The following GRM7 variants were observed in gnomAD, a reference collection of about 807,000 sequenced individuals.
The protein encoded by GRM7 is glutamate metabotropic receptor 7.
A neutral mutation model predicts 84.5 loss-of-function variants in GRM7; 35 were observed. That is an observed-to-expected ratio of 0.41 (90% CI 0.32 to 0.55). The LOEUF is 0.55. Among genes scored for constraint, GRM7 ranks in the 20% least tolerant of loss-of-function variants. The pLI is 0.19. For synonymous variants in GRM7, 487 were observed against 455.1 expected (o/e 1.07, Z -0.89); for missense variants, 1,003 against 1,194.6 (o/e 0.84, Z 2.36).
chr3:7,313,507 T>C (rs949128609), intron 4 of GRM7, among the ~76,000 whole-genome samples: 1 of 152,188 alleles, frequency 6.6e-6, no homozygotes, highest in Non-Finnish European at 1.5e-5. Flanking sequence ...CTTAATAAAA[T>C]ACCTTTCTTA....
intron 7 of GRM7, among the ~76,000 whole-genome samples, chr3:7,542,373 G>C (rs1692922869): frequency 6.6e-6 from 1 of 152,086 alleles, no homozygotes; most frequent in African/African-American, 2.4e-5. Context: ...GCTGCTCTCA[G>C]CCTGGAATAA....
At chr3:7,017,120 T>C (rs1695594055) in intron 1 of GRM7, among the ~76,000 whole-genome samples, 1 of 152,212 alleles carries the variant, frequency 6.6e-6, no homozygotes, top group Admixed American at 6.5e-5. Flanking sequence ...TAAGAAGACT[T>C]CCAGTCATAG....
chr3:6,919,717 A>G (rs2125029175), intron 1 of GRM7, among the ~76,000 whole-genome samples: 1 of 152,176 alleles, frequency 6.6e-6, no homozygotes, highest in Non-Finnish European at 1.5e-5. Flanking sequence ...GGGAATCATC[A>G]ACTTTAGGGT....
chr3:7,416,429 C>T (rs1480224700), intron 5 of GRM7, among the ~76,000 whole-genome samples: 1 of 152,118 alleles, frequency 6.6e-6, no homozygotes, highest in East Asian at 1.9e-4. Flanking sequence ...AGTTCTGCCT[C>T]TAGTCTCTCT....
chr3:7,437,801 C>A lies in GRM7; in HGVS notation c.1175-14806C>A, dbSNP rs1362942501. On this transcript the variant is annotated intron_variant, in intron 5 of 9. Coordinates refer to ENST00000357716, the MANE Select transcript of GRM7 (RefSeq NM_000844.4). ...CTTTGTATCTTTGCATAGCCTAAGG[C>A]TAGGCTAGGGGCAAGTAGGGAAATT... is the stretch of plus-strand genomic sequence containing the variant. Among the ~76,000 whole-genome samples the A allele has an allele frequency of 2.6e-5, 4 of 151,990 alleles. No individual in the cohort carries two copies. The East Asian group carries it at 5.8e-4, about 22-fold the overall frequency.
intron 1 of GRM7, among the ~76,000 whole-genome samples, chr3:6,966,752 G>A (rs1693535547): frequency 6.6e-6 from 1 of 152,144 alleles, no homozygotes; most frequent in Non-Finnish European, 1.5e-5. Context: ...TAAATGACTA[G>A]TAAAACAAAA....
intron 4 of GRM7, among the ~76,000 whole-genome samples, chr3:7,341,896 A>G (rs1692652670): frequency 6.6e-6 from 1 of 152,136 alleles, no homozygotes; most frequent in South Asian, 2.1e-4. Context: ...TGGGGTCTAA[A>G]CCATTAATCT....
At chr3:7,579,584 T>C (rs1465215029) in intron 8 of GRM7, among the ~76,000 whole-genome samples, 1 of 152,182 alleles carries the variant, frequency 6.6e-6, no homozygotes, top group Non-Finnish European at 1.5e-5. Flanking sequence ...TTCAAATCAA[T>C]TAAATTATAG....
At chr3:7,115,764 C>T (rs1174976682) in intron 1 of GRM7, among the ~76,000 whole-genome samples, 1 of 152,068 alleles carries the variant, frequency 6.6e-6, no homozygotes, top group African/African-American at 2.4e-5. Flanking sequence ...CAGATTAATT[C>T]CTGATTATTC....
intron 9 of GRM7, among the ~76,000 whole-genome samples, chr3:7,739,204 A>T (rs1394574316): frequency 2.0e-5 from 3 of 152,232 alleles, no homozygotes. Flanking sequence ...TGTATAGTGT[A>T]CAGTACCCTG....
rs1391964 is a variant in GRM7, at chr3:7,364,066, A to G, written c.1034-50957A>G. Among the ~76,000 whole-genome samples, 1,299 of 152,190 alleles carry G rather than the reference A, an allele frequency of 8.5e-3. 68 individuals carry two copies. Among genetic ancestry groups the G allele is most frequent in the Admixed American group, 0.073 (1,117 of 15,256 alleles). On this transcript the variant is annotated intron_variant, in intron 4 of 9. Transcript: ENST00000357716. ...TGCCACTTCTTTACCCTTAATAGAT[A>G]TAATTCTATTTAATCTACATGTTTT...
chr3:7,074,127 A>G (rs1697982622), intron 1 of GRM7, among the ~76,000 whole-genome samples: 1 of 152,200 alleles, frequency 6.6e-6, no homozygotes, highest in Admixed American at 6.6e-5. Context: ...CAAATATCTA[A>G]ATATTTTTCA....
chr3:7,093,788 G>T (rs1434688683), intron 1 of GRM7, among the ~76,000 whole-genome samples: 1 of 139,596 alleles, frequency 7.2e-6, no homozygotes, highest in Non-Finnish European at 1.5e-5. Context: ...AACTTCAATT[G>T]AATACTTAAG....
At chr3:6,878,275 A>G (rs2124956679) in intron 1 of GRM7, among the ~76,000 whole-genome samples, 1 of 152,072 alleles carries the variant, frequency 6.6e-6, no homozygotes, top group Non-Finnish European at 1.5e-5. Context: ...TAAAGACCAA[A>G]AAGTTGTAAC....
chr3:7,566,176 C>A (rs1037901258), intron 7 of GRM7, among the ~76,000 whole-genome samples: 4 of 137,010 alleles, frequency 2.9e-5, no homozygotes, highest in Non-Finnish European at 6.1e-5. Context: ...TCTGGCTATG[C>A]ATTGCCAACT....
At chr3:7,534,644 G>A (rs1252885478) in intron 7 of GRM7, among the ~76,000 whole-genome samples, 1 of 152,048 alleles carries the variant, frequency 6.6e-6, no homozygotes, top group African/African-American at 2.4e-5. Flanking sequence ...TTCAGTCGTT[G>A]TGGTTATTCC....
chr3:7,218,472 G>A (rs1244087788), intron 2 of GRM7, among the ~76,000 whole-genome samples: 2 of 151,894 alleles, frequency 1.3e-5, no homozygotes, highest in Admixed American at 1.3e-4. Context: ...AACTTTGCCT[G>A]TCTGATATGT....
intron 2 of GRM7, among the ~76,000 whole-genome samples, chr3:7,255,797 C>T (rs1698173468): frequency 6.6e-6 from 1 of 152,176 alleles, no homozygotes; most frequent in Non-Finnish European, 1.5e-5. Context: ...AGCACACTAA[C>T]CAGCAATAAC....
intron 1 of GRM7, among the ~76,000 whole-genome samples, chr3:7,043,482 T>A (rs1413126478): frequency 6.6e-6 from 1 of 152,212 alleles, no homozygotes; most frequent in Admixed American, 6.5e-5. Flanking sequence ...CTTTTAGAGT[T>A]CACTGTCCTT....
Sources: gnomAD v4.1 joint callset for allele counts (sites outside exome capture counted in the v4.1 genomes callset) on GRCh38, gnomAD v4.1.1 for gene constraint, MANE v1.5 for transcripts, NCBI Gene and HGNC (gene_info 2026-07-23, HGNC 2026-07-21) for gene names.